Variants in FAAH2 observed in about 807,000 individuals in gnomAD.
FAAH2 encodes fatty acid amide hydrolase 2.
In FAAH2, 60 loss-of-function variants were observed where a neutral mutation model predicts 36.9. That is an observed-to-expected ratio of 1.63 (90% CI 1.32 to 2.02). The LOEUF (loss-of-function observed/expected upper bound fraction) is 2.02, where lower values mean the gene tolerates loss of function less well. Among genes scored for constraint, FAAH2 ranks in the 30% most tolerant of loss-of-function variants. The probability of loss-of-function intolerance (pLI) is 0.00; values close to 1 mark genes in which losing one functional copy is unlikely to be tolerated. For synonymous variants in FAAH2, 214 were observed against 143.8 expected (o/e 1.49, Z -3.49); for missense variants, 689 against 397.5 (o/e 1.73, Z -6.23).
rs1053412719 is a variant in FAAH2 at position 57,396,933 on chromosome X, T to A, written c.996+15904T>A. On this transcript the variant is annotated intron_variant, in intron 7 of 10. Transcript: ENST00000374900. ...TCTGTCTAGTATTGTCAGTGAGTTA[T>A]TTACGTTTCCCACTATTTTTGTATT... Among the ~76,000 whole-genome samples the A allele has an allele frequency of 2.7e-5, 3 of 112,054 alleles. No homozygotes were observed. In the Admixed American group the frequency reaches 2.8e-4, roughly 11 times the overall value.
chrX:57,273,554 A>C, the FAAH2 span, among the ~76,000 whole-genome samples: 4 of 112,043 alleles, frequency 3.6e-5, no homozygotes, highest in African/African-American at 1.3e-4. Flanking sequence ...AAATCATAAC[A>C]AACTGTATCT....
intron 4 of FAAH2, among the ~76,000 whole-genome samples, chrX:57,340,961 G>GAA (rs1346882227): frequency 2.9e-5 from 3 of 103,035 alleles, no homozygotes; most frequent in African/African-American, 7.0e-5. Flanking sequence ...AAAGTTGATG[G>GAA]AAAAAAAAAA....
chrX:57,136,135 C>A, the FAAH2 span: 1 of 1,209,659 alleles, frequency 8.3e-7, no homozygotes, highest in Non-Finnish European at 1.1e-6. Flanking sequence ...ATGATAGGTG[C>A]TTGAGCTAAG....
intron 5 of FAAH2, among the ~76,000 whole-genome samples, chrX:57,351,146 C>G (rs898965563): frequency 9.0e-6 from 1 of 111,514 alleles, no homozygotes; most frequent in Non-Finnish European, 1.9e-5. Context: ...AGTATCTTTT[C>G]AGACCACAGT....
intron 3 of FAAH2, among the ~76,000 whole-genome samples, chrX:57,316,747 T>A (rs1426622619): frequency 2.7e-5 from 3 of 111,372 alleles, no homozygotes; most frequent in Non-Finnish European, 5.7e-5. Context: ...TATTTAAATG[T>A]AAGACGTCAA....
chrX:57,254,484 C>T, the FAAH2 span, among the ~76,000 whole-genome samples: 1 of 111,949 alleles, frequency 8.9e-6, no homozygotes, highest in Non-Finnish European at 1.9e-5. Context: ...CTTCTCAGCA[C>T]CACATCGCAC....
chrX:57,437,118 TAAC>T (rs1162596385), intron 8 of FAAH2, among the ~76,000 whole-genome samples: 4 of 110,870 alleles, frequency 3.6e-5, no homozygotes, highest in Admixed American at 9.6e-5. Flanking sequence ...TAAACAAAAA[TAAC>T]AAAACCATAT....
At chrX:57,279,540 G>A in the FAAH2 span, among the ~76,000 whole-genome samples, 1 of 110,997 alleles carries the variant, frequency 9.0e-6, no homozygotes, top group African/African-American at 3.3e-5. Flanking sequence ...ACCAAGGCAC[G>A]TGTATACCTA....
At chrX:57,275,997 C>T in the FAAH2 span, among the ~76,000 whole-genome samples, 3 of 111,159 alleles carry the variant, frequency 2.7e-5, no homozygotes, top group Non-Finnish European at 5.7e-5. Context: ...CCCCACTGTC[C>T]ATATCAGACA....
upstream of FAAH2, among the ~76,000 whole-genome samples, chrX:57,284,697 T>C (rs2051785499): frequency 9.0e-6 from 1 of 111,447 alleles, no homozygotes; most frequent in African/African-American, 3.3e-5. Context: ...TTGCCAACAA[T>C]GGCAATATAC....
At chrX:57,201,442 AAG>A in the FAAH2 span, among the ~76,000 whole-genome samples, 4 of 110,586 alleles carry the variant, frequency 3.6e-5, no homozygotes, top group African/African-American at 1.3e-4. Flanking sequence ...AAAAAAAAAA[AAG>A]AAGTCTGTCT....
At chrX:57,426,644 C>T (rs1468714914) in intron 7 of FAAH2, among the ~76,000 whole-genome samples, 7 of 111,634 alleles carry the variant, frequency 6.3e-5, no homozygotes, top group African/African-American at 2.3e-4. Context: ...CATGTTCCTG[C>T]ATAATCTTTG....
chrX:57,262,490 C>T, the FAAH2 span, among the ~76,000 whole-genome samples: 3 of 111,219 alleles, frequency 2.7e-5, no homozygotes, highest in Middle Eastern at 4.7e-3. Flanking sequence ...AAAAATTGTT[C>T]CCCAAGGAAA....
At position 57,450,847 on chromosome X, in the gene FAAH2, C is replaced by G. The variant is rs774461479; in HGVS notation, c.1423+2129C>G. Among the ~76,000 whole-genome samples the G allele has an allele frequency of 5.2e-4, 58 of 110,859 alleles. 1 individual carries two copies. The South Asian group carries it at 0.021, about 40-fold the overall frequency. ...ATTATTAATAATAGTGATAATGATA[C>G]CATTTATTGGAGACATGTATATGTT... On this transcript the variant is annotated intron_variant, in intron 10 of 10. Coordinates refer to ENST00000374900, the MANE Select transcript of FAAH2 (RefSeq NM_174912.4).
chrX:57,244,264 G>A, the FAAH2 span, among the ~76,000 whole-genome samples: 1 of 110,768 alleles, frequency 9.0e-6, no homozygotes, highest in Non-Finnish European at 1.9e-5. Flanking sequence ...CCAAACCTAT[G>A]TTTGATTGGT....
chrX:57,343,401 G>C (rs1311669486), intron 5 of FAAH2, among the ~76,000 whole-genome samples: 1 of 111,207 alleles, frequency 9.0e-6, no homozygotes, highest in African/African-American at 3.3e-5. Flanking sequence ...TAGGTTTCTT[G>C]GCTGCTTGTA....
At chrX:57,142,450 A>G in the FAAH2 span, among the ~76,000 whole-genome samples, 1 of 111,959 alleles carries the variant, frequency 8.9e-6, no homozygotes, top group Non-Finnish European at 1.9e-5. Flanking sequence ...GTTTTATTCC[A>G]TTGTAGTTAG....
At chrX:57,413,561 C>G (rs2055757203) in intron 7 of FAAH2, among the ~76,000 whole-genome samples, 1 of 111,482 alleles carries the variant, frequency 9.0e-6, no homozygotes, top group Admixed American at 9.6e-5. Context: ...GACCTCTGTT[C>G]TGTTCCATTT....
At chrX:57,230,803 C>T in the FAAH2 span, among the ~76,000 whole-genome samples, 1 of 111,208 alleles carries the variant, frequency 9.0e-6, no homozygotes, top group Non-Finnish European at 1.9e-5. Flanking sequence ...ACTTTGATTT[C>T]CTTGCACATA....
Sources: gnomAD v4.1 joint callset for allele counts (sites outside exome capture counted in the v4.1 genomes callset) on GRCh38, gnomAD v4.1.1 for gene constraint, MANE v1.5 for transcripts, NCBI Gene and HGNC (gene_info 2026-07-23, HGNC 2026-07-21) for gene names.